Variants in PSG4 observed in about 807,000 individuals in gnomAD.
PSG4 encodes pregnancy specific beta-1-glycoprotein 4, also known as pregnancy-specific beta-1-glycoprotein 4.
Under a neutral mutation model 44.3 loss-of-function variants are expected in PSG4, and 61 were observed. The ratio of observed to expected loss-of-function variants is 1.38; its 90% CI spans 1.12 to 1.70. PSG4 has a LOEUF of 1.70. Ranked by LOEUF, PSG4 falls within the 40% of genes most tolerant of loss-of-function variation. The probability of loss-of-function intolerance (pLI) is 0.00; values close to 1 mark genes in which losing one functional copy is unlikely to be tolerated. For missense variants in PSG4, 677 were observed against 511.7 expected (o/e 1.32, Z -3.12); for synonymous variants, 248 against 191.3 (o/e 1.30, Z -2.45).
At chr19:43,202,317 C>T (rs867580428) in intron 2 of PSG4, among the ~76,000 whole-genome samples, 1 of 143,020 alleles carries the variant, frequency 7.0e-6, no homozygotes, top group African/African-American at 2.7e-5. Flanking sequence ...AGTCCAGGAC[C>T]AAGGAGCCCA....
chr19:43,194,512 C>G lies in PSG4; in HGVS notation c.1071G>C (p.Glu357Asp), dbSNP rs760565864. ...AAGAATATTGTGCCCGTGGGTTAGA[C>G]TCGGCGAAGCAGGACAAGTAGAGGT... ...GENLYLSCFA[E>D]SNPRAQYSWT... Residue 357 changes from glutamate to aspartate, a missense_variant, in exon 5 of 6, where the codon GAG becomes GAC. Glu to Asp is a conservative substitution (Grantham distance 45). Transcript: ENST00000405312. 5.6e-6 allele frequency: 9 copies of G among 1,612,384 alleles called. No homozygotes were observed. The highest frequency in any genetic ancestry group is 5.4e-5 in the African/African-American group (4 of 74,542).
Position 43,204,294 on chromosome 19 carries a change from A to G in PSG4, c.65-43T>C. The stretch of plus-strand genomic sequence containing the variant: ...CATCAGTTAATATTGAGACCTATGT[A>G]TTGGGGTGAAAAGATGGGTCCTGAG... On this transcript the variant is annotated intron_variant, in intron 1 of 5. Coordinates refer to ENST00000405312, the MANE Select transcript of PSG4 (RefSeq NM_002780.5). The G allele has an allele frequency of 7.3e-6, 11 of 1,514,496 alleles. 3 individuals carry two copies. The highest frequency in any genetic ancestry group is 7.1e-6 in the Non-Finnish European group (8 of 1,132,852). 93.8% of individuals were successfully genotyped at this position (1,514,496 alleles called of 1,614,324 possible). A position where few individuals can be genotyped will look rare whatever the true frequency, so the allele number is the denominator to read the frequency against.
intron 1 of PSG4, 150 bp from the exon 2 acceptor site, chr19:43,204,401 A>ATG (rs1386139987): frequency 2.5e-5 from 27 of 1,091,482 alleles, no homozygotes; most frequent in Non-Finnish European, 3.5e-5. Context: ...GCGTGAGTGT[A>ATG]TGTGTGTGTG....
chr19:43,205,376 G>A lies in PSG4; in HGVS notation c.64+97C>T, dbSNP rs1205235496. 16 of 1,369,506 alleles carry A rather than the reference G, an allele frequency of 1.2e-5. 2 individuals carry two copies. The African/African-American group carries it at 1.5e-4, about 13-fold the overall frequency. 84.8% of individuals were successfully genotyped at this position (1,369,506 alleles called of 1,614,324 possible). On this transcript the variant is annotated intron_variant, in intron 1 of 5. Transcript: ENST00000405312. The stretch of plus-strand genomic sequence containing the variant: ...CCCAACTCAGCCTCCCAAAGTGCTG[G>A]CTTCTTTCATTTTTCAGAACCCCAT...
chr19:43,205,410 G>C lies in PSG4; in HGVS notation c.64+63C>G. On this transcript the variant is annotated intron_variant, in intron 1 of 5. Transcript: ENST00000405312. ...ATTTTTCAGAACCCCATCCTCTCCA[G>C]GAGACCCCATCCAGTCACTCTGCTT... The C allele has an allele frequency of 4.8e-6, 7 of 1,464,612 alleles. 1 individual carries two copies. Among genetic ancestry groups the C allele is most frequent in the Non-Finnish European group, 5.5e-6 (6 of 1,081,198 alleles). 90.7% of individuals were successfully genotyped at this position (1,464,612 alleles called of 1,614,324 possible). A position where few individuals can be genotyped will look rare whatever the true frequency, so the allele number is the denominator to read the frequency against.
At chr19:43,203,770 C>T (rs1233944067) in intron 2 of PSG4, 116 bp downstream of exon 2, 4 of 1,492,992 alleles carry the variant, frequency 2.7e-6, no homozygotes, top group Admixed American at 3.9e-5. Context: ...CAAACCCCAG[C>T]ATGGGACTTA....
Position 43,193,585 on chromosome 19 carries a change from T to C in PSG4, c.1244-197A>G, listed in dbSNP as rs896594507. 40 of 610,452 alleles carry C rather than the reference T, an allele frequency of 6.6e-5. 3 individuals carry two copies. The highest frequency in any genetic ancestry group is 2.6e-5 in the Non-Finnish European group (9 of 344,490). The allele number at this position is 610,452 out of a possible 1,614,324, so 37.8% of individuals were successfully genotyped here. On this transcript the variant is annotated intron_variant, in intron 5 of 5. Transcript: ENST00000405312. ...AACGTGGTCTGATTCTTTACATAAG[T>C]GCAGCAAGAGTAGCAATAGACCATG...
intron 2 of PSG4, among the ~76,000 whole-genome samples, chr19:43,201,053 C>T (rs1319735224): frequency 2.1e-5 from 3 of 145,538 alleles, no homozygotes; most frequent in Non-Finnish European, 4.5e-5. Flanking sequence ...AGTCCATGTG[C>T]TTTGGGGACT....
intron 3 of PSG4, chr19:43,197,688 A>C (rs1248360104): frequency 8.5e-6 from 4 of 468,592 alleles, no homozygotes; most frequent in Non-Finnish European, 1.4e-5. Context: ...CTGTGAGCCA[A>C]GTCGCAACAC....
chr19:43,202,340 G>A (rs1464380683), intron 2 of PSG4, among the ~76,000 whole-genome samples: 6 of 144,004 alleles, frequency 4.2e-5, no homozygotes, highest in Admixed American at 4.1e-4. Context: ...GAACCCTCTG[G>A]TGGCCAAAGA....
intron 5 of PSG4, 158 bp from the exon 6 acceptor site, chr19:43,193,546 G>C: frequency 1.5e-6 from 1 of 646,684 alleles, no homozygotes; most frequent in East Asian, 2.7e-5. Flanking sequence ...TGCAAAATAG[G>C]TTGAGTTTCT....
intron 1 of PSG4, 116 bp from the exon 2 acceptor site, chr19:43,204,367 C>G (rs118184993): frequency 0.018 from 23,265 of 1,291,420 alleles, 2,139 homozygotes; most frequent in Admixed American, 0.14. Context: ...CACACACATA[C>G]AAACACATAC....
At chr19:43,205,323 G>T (rs1967733715) in intron 1 of PSG4, 150 bp downstream of exon 1, 1 of 1,007,630 alleles carries the variant, frequency 9.9e-7, no homozygotes, top group Non-Finnish European at 1.4e-6. Flanking sequence ...TGGCCAGACT[G>T]ATCTTGAACT....
At chr19:43,200,076 G>A (rs192715895) in intron 2 of PSG4, among the ~76,000 whole-genome samples, 7 of 145,700 alleles carry the variant, frequency 4.8e-5, no homozygotes, top group Non-Finnish European at 7.4e-5. Flanking sequence ...GAAAAATGGG[G>A]AGGACCCCAA....
chr19:43,203,960 G>A lies in PSG4; in HGVS notation c.356C>T (p.Ser119Phe). The change falls in exon 2 of 6, where the codon TCC becomes TTC. Residue 119 changes from serine to phenylalanine, a missense_variant. Physicochemically the swap from Ser to Phe is radical, Grantham distance 155. Coordinates refer to ENST00000405312, the MANE Select transcript of PSG4 (RefSeq NM_002780.5). ...TCGCTTTATGATGTGTAAGGTGTAG[G>A]ATCCTGCATCCTCCTGCGTGACATT... ...IQNVTQEDAGSYTLHIIKRRD... is the reference protein window; with the variant it reads ...IQNVTQEDAGFYTLHIIKRRD... 1 of 1,587,590 alleles carries A rather than the reference G, an allele frequency of 6.3e-7. No homozygotes were observed. Among genetic ancestry groups the A allele is most frequent in the Non-Finnish European group, 8.5e-7 (1 of 1,171,590 alleles).
At chr19:43,196,066 C>T (rs1337924677) in intron 3 of PSG4, among the ~76,000 whole-genome samples, 5 of 151,484 alleles carry the variant, frequency 3.3e-5, no homozygotes, top group African/African-American at 1.2e-4. Flanking sequence ...TGGATCTTTC[C>T]AGAAATACAT....
rs554597299 is a variant in PSG4, at chr19:43,195,037, A to C, written c.946T>G (p.Tyr316Asp). The C allele has an allele frequency of 1.5e-5, 24 of 1,611,942 alleles. No individual in the cohort carries two copies. The highest frequency in any genetic ancestry group is 2.0e-5 in the Non-Finnish European group (23 of 1,179,028). ...GPYQCEIRDR[Y>D]GGIRSDPVTL... ...ACTGGGTCACTGCGGATGCCACCATATCGGTCCCGTATTTCACATTGATAA... is the reference window on the plus strand; with the variant it reads ...ACTGGGTCACTGCGGATGCCACCATCTCGGTCCCGTATTTCACATTGATAA... The change falls in exon 4 of 6, where the codon TAT becomes GAT. Residue 316 changes from tyrosine (Y) to aspartate (D), a missense_variant. Coordinates refer to ENST00000405312, the MANE Select transcript of PSG4 (RefSeq NM_002780.5).
intron 2 of PSG4, among the ~76,000 whole-genome samples, chr19:43,201,492 TC>T (rs1405161418): frequency 6.9e-6 from 1 of 145,246 alleles, no homozygotes; most frequent in Non-Finnish European, 1.5e-5. Flanking sequence ...TTGAGATGTT[TC>T]TCATTCTTTT....
chr19:43,205,111 C>CATTTTTTTTTTTTTT, intron 1 of PSG4, among the ~76,000 whole-genome samples: 1 of 90,840 alleles, frequency 1.1e-5, no homozygotes, highest in South Asian at 4.4e-4. Flanking sequence ...TTCCTTTTTT[C>CATTTTTTTTTTTTTT]TTTTTTTTTT....
Sources: allele counts gnomAD v4.1 joint callset (sites outside exome capture counted in the v4.1 genomes callset), GRCh38; gene constraint gnomAD v4.1.1; transcripts MANE v1.5; gene names NCBI Gene and HGNC (gene_info 2026-07-23, HGNC 2026-07-21).